Variants in ADH1A observed in about 807,000 individuals in gnomAD.
ADH1A encodes alcohol dehydrogenase 1A (class I), alpha polypeptide.
In ADH1A, 29 loss-of-function variants were observed where a neutral mutation model predicts 35.2. The observed-to-expected ratio is 0.82, with a 90% CI of 0.61 to 1.12. The LOEUF (loss-of-function observed/expected upper bound fraction) is 1.12, where lower values mean the gene tolerates loss of function less well. Among genes scored for constraint, ADH1A ranks in the 50% most tolerant of loss-of-function variants. ADH1A has a pLI of 0.00. For synonymous variants in ADH1A, 147 were observed against 164.8 expected, an observed-to-expected ratio of 0.89 and a Z score of 0.83; for missense variants, 469 against 464.7, an observed-to-expected ratio of 1.01 and a Z score of -0.09.
At chr4:99,280,374 G>T (rs1732971741) in intron 6 of ADH1A, 95 bp from the exon 7 acceptor site, 3 of 1,573,842 alleles carry the variant, frequency 1.9e-6, no homozygotes, top group Admixed American at 1.7e-5. Flanking sequence ...ACTGGATTGT[G>T]AGTGTGTAGA....
chr4:99,286,843 C>A lies in ADH1A; in HGVS notation c.259+7G>T. ...ACCATCATGTTTCCTGAATGTGAAT[C>A]CTGTACCTGGTTTGACTGTAGTCAC... On this transcript the variant is annotated splice_region_variant and intron_variant, in intron 3 of 8. Coordinates refer to ENST00000209668, the MANE Select transcript of ADH1A (RefSeq NM_000667.4). The A allele has an allele frequency of 6.2e-7, 1 of 1,613,360 alleles. No homozygotes were observed. Among genetic ancestry groups the A allele is most frequent in the East Asian group, 2.2e-5 (1 of 44,864 alleles).
At chr4:99,287,743 C>A in intron 1 of ADH1A, 78 bp from the exon 2 acceptor site, 1 of 1,493,392 alleles carries the variant, frequency 6.7e-7, no homozygotes, top group Non-Finnish European at 9.3e-7. Context: ...CATCTTTGTA[C>A]ATACAACATC....
rs1733097343 is a variant in ADH1A at position 99,284,600 on chromosome 4, C to A, written c.366G>T (p.Gly122=). 1 of 1,614,100 alleles carries A rather than the reference C, an allele frequency of 6.2e-7. No individual in the cohort carries two copies. Among genetic ancestry groups the A allele is most frequent in the African/African-American group, 1.3e-5 (1 of 74,932 alleles). The change falls in exon 5 of 9, where the codon GGG becomes GGT. Residue 122 remains glycine, a synonymous_variant. Coordinates refer to ENST00000209668, the MANE Select transcript of ADH1A (RefSeq NM_000667.4). ...ACCTGCTGGTGCCATCCTGCAGGGT[C>A]CCCTGAGGATTGCTTACACTGGACA... ...CLKNDVSNPQ[G]TLQDGTSRFT... is the part of the protein sequence containing the mutation.
rs1008524755 is a variant in ADH1A at position 99,284,735 on chromosome 4, T to C, written c.328A>G (p.Asn110Asp). 6.2e-7 allele frequency: 1 copy of C among 1,614,082 alleles called. No individual in the cohort carries two copies. Among genetic ancestry groups the C allele is most frequent in the Non-Finnish European group, 8.5e-7 (1 of 1,180,036 alleles). Residue 110 changes from asparagine to aspartate, a missense_variant, in exon 4 of 9, where the codon AAC becomes GAC. Coordinates refer to ENST00000209668, the MANE Select transcript of ADH1A (RefSeq NM_000667.4). ...KCRICKNPES[N>D]YCLKNDVSNP... ...ACCTACTCGTTTTTCAAGCAGTAGT[T>C]GCTCTCCGGGTTTTTACAAATTCTG...
chr4:99,283,473 T>TTCATTCATTC (rs1560517978), intron 5 of ADH1A, among the ~76,000 whole-genome samples: 19 of 151,698 alleles, frequency 1.3e-4, no homozygotes, highest in Non-Finnish European at 1.9e-4. Context: ...TAAGGGTGTC[T>TTCATTCATTC]ATTCATTCAT....
chr4:99,285,904 C>CTA (rs1251533216), intron 3 of ADH1A, among the ~76,000 whole-genome samples: 14 of 150,812 alleles, frequency 9.3e-5, no homozygotes, highest in African/African-American at 3.4e-4. Flanking sequence ...CACCTGTGGC[C>CTA]CCAGATACCC....
At chr4:99,280,312 A>G (rs1319820510) in intron 6 of ADH1A, 33 bp from the exon 7 acceptor site, 1 of 1,611,804 alleles carries the variant, frequency 6.2e-7, no homozygotes, top group South Asian at 1.1e-5. Context: ...CATTCTTAAC[A>G]TGGAGTCGCA....
In ADH1A at chr4:99,279,411, A is replaced by G; in HGVS notation, c.1103+15T>C. The stretch of plus-strand genomic sequence containing the variant: ...AGAAAAAAAAGCAAAACAGAAAACT[A>G]ACTAAAAAATCTACCTTTTCCCAGA... On this transcript the variant is annotated intron_variant, in intron 8 of 8. Transcript: ENST00000209668. 1 of 1,583,794 alleles carries G rather than the reference A, an allele frequency of 6.3e-7. No homozygotes were observed. Among genetic ancestry groups the G allele is most frequent in the Non-Finnish European group, 8.5e-7 (1 of 1,171,692 alleles).
intron 4 of ADH1A, 25 bp downstream of exon 4, chr4:99,284,691 C>T (rs751467463): frequency 1.4e-5 from 22 of 1,613,234 alleles, no homozygotes; most frequent in Admixed American, 6.7e-5. Context: ...TCAATGTCTG[C>T]GCAGGGAGAG....
At chr4:99,277,956 C>T (rs968456486) in intron 8 of ADH1A, among the ~76,000 whole-genome samples, 19 of 151,996 alleles carry the variant, frequency 1.3e-4, no homozygotes, top group African/African-American at 4.6e-4. Flanking sequence ...GTTTCTGATA[C>T]ATATTACCAA....
chr4:99,289,073 G>A (rs28745868), intron 1 of ADH1A, among the ~76,000 whole-genome samples: 4 of 151,966 alleles, frequency 2.6e-5, no homozygotes, highest in African/African-American at 9.7e-5. Context: ...ATGATGTTTG[G>A]TTCTCCATTT....
intron 5 of ADH1A, among the ~76,000 whole-genome samples, chr4:99,284,192 C>T (rs1028557301): frequency 1.3e-5 from 2 of 152,118 alleles, no homozygotes; most frequent in Non-Finnish European, 2.9e-5. Flanking sequence ...GAAATCTTTA[C>T]ATTTTCTAAA....
At chr4:99,285,508 G>A (rs1048860302) in intron 3 of ADH1A, among the ~76,000 whole-genome samples, 4 of 152,054 alleles carry the variant, frequency 2.6e-5, no homozygotes, top group African/African-American at 9.7e-5. Flanking sequence ...GGGAGCATGG[G>A]TAAAAAGTAA....
intron 5 of ADH1A, 79 bp from the exon 6 acceptor site, chr4:99,282,685 A>C (rs1560517797): frequency 1.3e-6 from 2 of 1,543,216 alleles, no homozygotes; most frequent in Non-Finnish European, 1.7e-6. Flanking sequence ...AAAGCTGCTC[A>C]AACTCTTCTG....
At chr4:99,285,307 G>C (rs1375082797) in intron 3 of ADH1A, among the ~76,000 whole-genome samples, 1 of 152,106 alleles carries the variant, frequency 6.6e-6, no homozygotes, top group Non-Finnish European at 1.5e-5. Flanking sequence ...ATTATGAAAT[G>C]AATGCTTTTA....
chr4:99,286,162 A>C (rs1326411328), intron 3 of ADH1A, among the ~76,000 whole-genome samples: 1 of 152,168 alleles, frequency 6.6e-6, no homozygotes, highest in Non-Finnish European at 1.5e-5. Context: ...TGAAAATGAT[A>C]GTATGGAAGT....
intron 8 of ADH1A, among the ~76,000 whole-genome samples, chr4:99,278,105 A>G (rs1220160648): frequency 6.6e-6 from 1 of 152,130 alleles, no homozygotes; most frequent in Non-Finnish European, 1.5e-5. Flanking sequence ...GCATATTACT[A>G]TATGACATTC....
intron 8 of ADH1A, chr4:99,278,651 A>T (rs1256091917): frequency 6.6e-6 from 1 of 152,158 alleles, no homozygotes; most frequent in African/African-American, 2.4e-5. Flanking sequence ...TCTCGTGAAA[A>T]TAAGAATGGG....
chr4:99,284,003 C>T (rs1348649508), intron 5 of ADH1A, among the ~76,000 whole-genome samples: 1 of 152,148 alleles, frequency 6.6e-6, no homozygotes, highest in Non-Finnish European at 1.5e-5. Flanking sequence ...AGACTAGCTG[C>T]TCCTCAAGGG....
Sources: gnomAD v4.1 joint callset for allele counts (sites outside exome capture counted in the v4.1 genomes callset) on GRCh38, gnomAD v4.1.1 for gene constraint, MANE v1.5 for transcripts, NCBI Gene and HGNC (gene_info 2026-07-23, HGNC 2026-07-21) for gene names.